BRCC3: variants seen among roughly 807,000 people sequenced by gnomAD.
BRCC3 encodes the protein lys-63-specific deubiquitinase BRCC36.
Under a neutral mutation model 28.0 loss-of-function variants are expected in BRCC3, and 15 were observed. That is an observed-to-expected ratio of 0.54 (90% CI 0.36 to 0.82). BRCC3 has a LOEUF of 0.82. Ranked by LOEUF, BRCC3 falls within the 40% of genes least tolerant of loss-of-function variation. The probability of loss-of-function intolerance (pLI) is 0.01; values close to 1 mark genes in which losing one functional copy is unlikely to be tolerated. For missense variants in BRCC3, 109 were observed against 225.9 expected (o/e 0.48, Z 3.32); for synonymous variants, 66 against 80.3 (o/e 0.82, Z 0.95).
intron 9 of BRCC3, among the ~76,000 whole-genome samples, chrX:155,117,514 C>T (rs904212382): frequency 3.6e-5 from 4 of 110,894 alleles, no homozygotes; most frequent in South Asian, 3.8e-4. Context: ...GTGTTATAGG[C>T]GGTTACTTTT....
At chrX:155,072,439 C>A in intron 2 of BRCC3, 96 bp downstream of exon 2, 1 of 681,855 alleles carries the variant, frequency 1.5e-6, no homozygotes, top group Non-Finnish European at 2.3e-6. Context: ...CGGATCGTGT[C>A]TTAAATTAAT....
chrX:155,106,213 T>C (rs986807097), intron 7 of BRCC3, among the ~76,000 whole-genome samples: 2 of 112,336 alleles, frequency 1.8e-5, no homozygotes, highest in African/African-American at 6.5e-5. Context: ...AGGTTTTGTA[T>C]ATGTCATACT....
In BRCC3 at chrX:155,085,884, CTGCTTTGCCATGACAGCTACCTGA is replaced by C. The variant is rs1557294762; in HGVS notation, c.404-3378_404-3355del. Among the ~76,000 whole-genome samples, 3 of 111,630 alleles carry C rather than the reference CTGCTTTGCCATGACAGCTACCTGA, an allele frequency of 2.7e-5. No individual in the cohort carries two copies. The East Asian group carries it at 8.5e-4, about 32-fold the overall frequency. The stretch of plus-strand genomic sequence containing the variant: ...CCATGGCTGCCTGGTTCCCCCAGGA[CTGCTTTGCCATGACAGCTACCTGA>C]ATGACTCCGAGGAACTGCTCTTTGG... On this transcript the variant is annotated intron_variant, in intron 5 of 10. Transcript: ENST00000330045.
At chrX:155,072,708 C>A (rs1557292797) in intron 2 of BRCC3, among the ~76,000 whole-genome samples, 1 of 110,404 alleles carries the variant, frequency 9.1e-6, no homozygotes, top group African/African-American at 3.3e-5. Context: ...ATTACAGGTG[C>A]CCGCCACCAC....
intron 3 of BRCC3, 93 bp downstream of exon 3, chrX:155,073,524 C>A: frequency 1.0e-6 from 1 of 965,394 alleles, no homozygotes; most frequent in Non-Finnish European, 1.4e-6. Context: ...CGGTTTCTGG[C>A]TGGATGAGAT....
At chrX:155,089,736 T>C in intron 6 of BRCC3, among the ~76,000 whole-genome samples, 1 of 111,888 alleles carries the variant, frequency 8.9e-6, no homozygotes, top group Non-Finnish European at 1.9e-5. Flanking sequence ...CCAGTTTGAA[T>C]GATAACTCAT....
At chrX:155,087,159 G>A (rs1407399453) in intron 5 of BRCC3, among the ~76,000 whole-genome samples, 4 of 111,778 alleles carry the variant, frequency 3.6e-5, no homozygotes, top group Non-Finnish European at 5.7e-5. Flanking sequence ...GTCCCTCAGC[G>A]CTCAGGTGGT....
At chrX:155,073,219 G>T in intron 2 of BRCC3, 158 bp from the exon 3 acceptor site, 3 of 550,496 alleles carry the variant, frequency 5.4e-6, no homozygotes, top group Non-Finnish European at 8.7e-6. Context: ...GCTTCTAACA[G>T]ATAGAGTGCA....
chrX:155,115,653 G>A (rs1306534809), intron 7 of BRCC3, among the ~76,000 whole-genome samples: 1 of 112,438 alleles, frequency 8.9e-6, no homozygotes, highest in Non-Finnish European at 1.9e-5. Flanking sequence ...ATGTGATGGA[G>A]TCATTGAAGA....
chrX:155,105,213 T>C (rs1314133390), intron 7 of BRCC3, among the ~76,000 whole-genome samples: 1 of 112,258 alleles, frequency 8.9e-6, no homozygotes, highest in African/African-American at 3.2e-5. Context: ...GTGGGCACAG[T>C]GGCTCATGTC....
chrX:155,075,004 C>T (rs1430749714), intron 3 of BRCC3, among the ~76,000 whole-genome samples: 1 of 112,213 alleles, frequency 8.9e-6, no homozygotes, highest in Non-Finnish European at 1.9e-5. Context: ...TTTTAGTAAT[C>T]ACAGTAAAAA....
intron 5 of BRCC3, among the ~76,000 whole-genome samples, chrX:155,085,510 C>T (rs1176599145): frequency 8.9e-6 from 1 of 112,001 alleles, no homozygotes; most frequent in African/African-American, 3.3e-5. Flanking sequence ...TGCTTTCTTC[C>T]TGAAAGACCC....
At chrX:155,115,884 C>T (rs1471969681) in intron 7 of BRCC3, among the ~76,000 whole-genome samples, 173 bp from the exon 8 acceptor site, 2 of 112,197 alleles carry the variant, frequency 1.8e-5, no homozygotes, top group African/African-American at 6.5e-5. Flanking sequence ...GTTTGCTCTC[C>T]AGACGAACCC....
chrX:155,112,016 C>T (rs782053417), intron 7 of BRCC3, among the ~76,000 whole-genome samples: 2 of 111,662 alleles, frequency 1.8e-5, no homozygotes, highest in Non-Finnish European at 3.8e-5. Flanking sequence ...TTAACAACAA[C>T]AATAGTAAAA....
At chrX:155,094,668 C>G (rs2074198164) in intron 7 of BRCC3, among the ~76,000 whole-genome samples, 1 of 111,894 alleles carries the variant, frequency 8.9e-6, no homozygotes, top group African/African-American at 3.3e-5. Context: ...ATACTGACCA[C>G]TAGGTGGTGC....
chrX:155,099,526 G>A, intron 7 of BRCC3: 1 of 901,823 alleles, frequency 1.1e-6, no homozygotes, highest in Non-Finnish European at 1.5e-6. Flanking sequence ...AGCTGCCAAG[G>A]AGACTAGGAA....
intron 1 of BRCC3, 47 bp from the exon 2 acceptor site, chrX:155,072,276 TCAAA>T (rs200562412): frequency 0.046 from 51,284 of 1,119,612 alleles, 995 homozygotes; most frequent in Non-Finnish European, 0.057. Context: ...TCCATATATG[TCAAA>T]CAAACGTAAT....
At position 155,090,873 on chromosome X, in the gene BRCC3, G is replaced by A; in HGVS notation, c.548+34G>A. The A allele has an allele frequency of 3.0e-6, 3 of 1,001,342 alleles. No individual in the cohort carries two copies. In the South Asian group the frequency reaches 6.1e-5, roughly 20 times the overall value. The allele number at this position is 1,001,342 out of a possible 1,213,427, so 82.5% of individuals were successfully genotyped here. ...GAGAGAGACTTATGTGTGTATTGGA[G>A]GGCTAATCTCCAATTCAGAGAATTT... is the stretch of plus-strand genomic sequence containing the variant. On this transcript the variant is annotated intron_variant, in intron 7 of 10. Transcript: ENST00000330045.
At chrX:155,074,385 G>A (rs2074012504) in intron 3 of BRCC3, among the ~76,000 whole-genome samples, 4 of 111,972 alleles carry the variant, frequency 3.6e-5, no homozygotes, top group Middle Eastern at 9.2e-3. Context: ...ACTGAGGTCT[G>A]GTTTCTAATT....
Sources: allele counts gnomAD v4.1 joint callset (sites outside exome capture counted in the v4.1 genomes callset), GRCh38; gene constraint gnomAD v4.1.1; transcripts MANE v1.5; gene names NCBI Gene and HGNC (gene_info 2026-07-23, HGNC 2026-07-21).